UGT1A8: variants seen among roughly 807,000 people sequenced by gnomAD.
The protein encoded by UGT1A8 is UDP-glucuronosyltransferase 1A8.
A neutral mutation model predicts 45.3 loss-of-function variants in UGT1A8; 39 were observed. That is an observed-to-expected ratio of 0.86 (90% confidence interval 0.67 to 1.12). The LOEUF (loss-of-function observed/expected upper bound fraction) is 1.12. UGT1A8 is among the 50% of genes most tolerant of loss of function. UGT1A8 has a pLI of 0.00. For missense variants in UGT1A8, 719 were observed against 664.9 expected (o/e 1.08, Z -0.90); for synonymous variants, 275 against 249.2 (o/e 1.10, Z -0.97).
intron 1 of UGT1A8, chr2:233,693,340 C>A: frequency 6.2e-7 from 1 of 1,614,192 alleles, no homozygotes; most frequent in Non-Finnish European, 8.5e-7. Context: ...AGACAGAGTA[C>A]AGGAATAACA....
chr2:233,693,801 C>T (rs774342774), intron 1 of UGT1A8: 45 of 1,614,038 alleles, frequency 2.8e-5, no homozygotes, highest in Non-Finnish European at 3.3e-5. Flanking sequence ...TATCCTAGGC[C>T]GGTCATGCCC....
At chr2:233,743,563 C>A (rs546286371) in intron 1 of UGT1A8, 1 of 1,367,296 alleles carries the variant, frequency 7.3e-7, no homozygotes, top group South Asian at 1.1e-5. Flanking sequence ...TATTCTCCAG[C>A]GGGTTTCCCA....
At chr2:233,704,812 T>A (rs2075808087) in intron 1 of UGT1A8, among the ~76,000 whole-genome samples, 1 of 152,136 alleles carries the variant, frequency 6.6e-6, no homozygotes, top group Non-Finnish European at 1.5e-5. Context: ...ATATGTATAT[T>A]GCTTTTTAGG....
chr2:233,713,457 C>T, intron 1 of UGT1A8: 1 of 1,614,142 alleles, frequency 6.2e-7, no homozygotes, highest in Non-Finnish European at 8.5e-7. Context: ...CCCCTTTCAC[C>T]TCTGCGCGGC....
At chr2:233,665,964 T>C (rs545744697) in intron 1 of UGT1A8, among the ~76,000 whole-genome samples, 22 of 152,264 alleles carry the variant, frequency 1.4e-4, no homozygotes, top group African/African-American at 5.1e-4. Context: ...TCCGTTTGCA[T>C]TGCGATAAAG....
At chr2:233,747,803 A>G in intron 1 of UGT1A8, 1 of 1,613,426 alleles carries the variant, frequency 6.2e-7, no homozygotes, top group African/African-American at 1.3e-5. Context: ...TTCCTAAGTT[A>G]CTAACGACCA....
intron 1 of UGT1A8, among the ~76,000 whole-genome samples, chr2:233,709,615 G>T (rs2076084906): frequency 6.6e-6 from 1 of 152,104 alleles, no homozygotes; most frequent in Admixed American, 6.5e-5. Context: ...ATTAAATATA[G>T]GTGTTTTGCT....
At chr2:233,652,008 A>G (rs2073755749) in intron 1 of UGT1A8, among the ~76,000 whole-genome samples, 1 of 152,196 alleles carries the variant, frequency 6.6e-6, no homozygotes, top group Non-Finnish European at 1.5e-5. Context: ...AAAAAAAGGA[A>G]TCACTGCCAG....
At chr2:233,657,251 G>A (rs1216491196) in intron 1 of UGT1A8, among the ~76,000 whole-genome samples, 4 of 152,254 alleles carry the variant, frequency 2.6e-5, no homozygotes, top group South Asian at 2.1e-4. Context: ...AGCACCTGGC[G>A]GTTTAGTTTT....
chr2:233,738,569 A>G (rs1031993936), intron 1 of UGT1A8, among the ~76,000 whole-genome samples: 1 of 152,222 alleles, frequency 6.6e-6, no homozygotes, highest in African/African-American at 2.4e-5. Context: ...GAATCTGTTG[A>G]GAACTGGAGC....
intron 1 of UGT1A8, among the ~76,000 whole-genome samples, chr2:233,701,639 A>C (rs146387920): frequency 0.018 from 2,734 of 152,308 alleles, 77 homozygotes; most frequent in African/African-American, 0.062. Context: ...ATTATAGCAA[A>C]CTGTCTCTCA....
chr2:233,698,318 G>A (rs2075436296), intron 1 of UGT1A8, among the ~76,000 whole-genome samples: 1 of 152,208 alleles, frequency 6.6e-6, no homozygotes, highest in Non-Finnish European at 1.5e-5. Flanking sequence ...GGAAATGTCT[G>A]GAACCAGATA....
At chr2:233,765,711 T>TTAATAATAATAA (rs10664358) in intron 1 of UGT1A8, among the ~76,000 whole-genome samples, 10 of 149,240 alleles carry the variant, frequency 6.7e-5, no homozygotes, top group East Asian at 2.0e-4. Flanking sequence ...ATAATAATAA[T>TTAATAATAATAA]TAATAATAAT....
chr2:233,644,486 C>T (rs187049868), intron 1 of UGT1A8, among the ~76,000 whole-genome samples: 72 of 152,150 alleles, frequency 4.7e-4, no homozygotes, highest in South Asian at 4.6e-3. Context: ...GCTTGAACCT[C>T]GGAGGCAGAG....
chr2:233,677,907 A>G (rs1575422443), intron 1 of UGT1A8, among the ~76,000 whole-genome samples: 1 of 152,210 alleles, frequency 6.6e-6, no homozygotes, highest in South Asian at 2.1e-4. Context: ...TAGAAAAGAC[A>G]TGAAATCAAC....
At position 233,672,035 on chromosome 2, in the gene UGT1A8, A is replaced by G. The variant is rs369317288; in HGVS notation, c.855+53473A>G. The G allele has an allele frequency of 4.3e-6, 7 of 1,614,096 alleles. No homozygotes were observed. Among genetic ancestry groups the G allele is most frequent in the Non-Finnish European group, 5.1e-6 (6 of 1,179,998 alleles). On this transcript the variant is annotated intron_variant, in intron 1 of 4. Transcript: ENST00000373450. The stretch of plus-strand genomic sequence containing the variant: ...GGGAAGCTACTGGTAGTGCCCATGG[A>G]TGGGAGCCACTGGTTCACCATGAGG...
chr2:233,618,442 C>T lies in UGT1A8; in HGVS notation c.735C>T (p.Tyr245=), dbSNP rs2072943414. The T allele has an allele frequency of 6.2e-7, 1 of 1,613,898 alleles. No individual in the cohort carries two copies. The highest frequency in any genetic ancestry group is 8.5e-7 in the Non-Finnish European group (1 of 1,179,808). ...LQTPVTAYDL[Y]SHTSIWLLRT... Reference sequence around the variant, plus strand: ...CACCTGTCACAGCATATGATCTCTACAGCCACACATCAATTTGGTTGTTGC... The same window carrying T: ...CACCTGTCACAGCATATGATCTCTATAGCCACACATCAATTTGGTTGTTGC... Residue 245 remains tyrosine (Y), a synonymous_variant, in exon 1 of 5, where the codon TAC becomes TAT. Coordinates refer to ENST00000373450, the MANE Select transcript of UGT1A8 (RefSeq NM_019076.5).
At chr2:233,703,207 A>T (rs552243315) in intron 1 of UGT1A8, among the ~76,000 whole-genome samples, 19 of 152,246 alleles carry the variant, frequency 1.2e-4, no homozygotes, top group East Asian at 1.9e-4. Context: ...TGTCAATTTT[A>T]TCTAAGTTAT....
intron 1 of UGT1A8, chr2:233,741,740 C>T (rs1158976781): frequency 6.6e-6 from 1 of 151,864 alleles, no homozygotes; most frequent in Non-Finnish European, 1.5e-5. Flanking sequence ...CCATATCACA[C>T]TCTTTGTTGG....
Sources: gnomAD v4.1 joint callset for allele counts (sites outside exome capture counted in the v4.1 genomes callset) on GRCh38, gnomAD v4.1.1 for gene constraint, MANE v1.5 for transcripts, NCBI Gene and HGNC (gene_info 2026-07-23, HGNC 2026-07-21) for gene names.